The following FAP variants were observed in gnomAD, a reference collection of about 807,000 sequenced individuals.
The protein encoded by FAP is fibroblast activation protein alpha.
Under a neutral mutation model 126.5 loss-of-function variants are expected in FAP, and 110 were observed. That is an observed-to-expected ratio of 0.87 (90% CI 0.74 to 1.02). FAP has a LOEUF of 1.02. Ranked by LOEUF, FAP falls within the 50% of genes least tolerant of loss-of-function variation. FAP has a pLI of 0.00. For missense variants in FAP, 919 were observed against 909.2 expected (o/e 1.01, Z -0.14); for synonymous variants, 334 against 297.3 (o/e 1.12, Z -1.27).
Position 162,210,108 on chromosome 2 carries a change from A to G in FAP, c.1003-112T>C, listed in dbSNP as rs1339116110. On this transcript the variant is annotated intron_variant, in intron 11 of 25. Coordinates refer to ENST00000188790, the MANE Select transcript of FAP (RefSeq NM_004460.5). ...TGCCTGATCAGAGTATACCATTACT[A>G]GTCAACTAACTTCAAATTTGAGTTT... is the stretch of plus-strand genomic sequence containing the variant. 3 of 825,246 alleles carry G rather than the reference A, an allele frequency of 3.6e-6. No homozygotes were observed. The African/African-American group carries it at 5.2e-5, about 14-fold the overall frequency. 51.1% of individuals were successfully genotyped at this position (825,246 alleles called of 1,614,324 possible). A position where few individuals can be genotyped will look rare whatever the true frequency, so the allele number is the denominator to read the frequency against.
rs142594188 is a variant in FAP, at chr2:162,171,039, C to T, written c.2223G>A (p.Thr741=). Residue 741 remains threonine, a synonymous_variant, in exon 26 of 26, where the codon ACG becomes ACA. Coordinates refer to ENST00000188790, the MANE Select transcript of FAP (RefSeq NM_004460.5). ...DQNHGLSGLS[T]NHLYTHMTHF... The stretch of plus-strand genomic sequence containing the variant: ...GGGTCATGTGGGTGTATAAGTGGTT[C>T]GTGGACAGGCCGGATAAGCCGTGGT... The T allele has an allele frequency of 6.8e-6, 11 of 1,613,036 alleles. No individual in the cohort carries two copies. Among genetic ancestry groups the T allele is most frequent in the East Asian group, 2.2e-5 (1 of 44,866 alleles).
At chr2:162,204,626 G>A (rs761692865) in intron 12 of FAP, among the ~76,000 whole-genome samples, 1 of 152,306 alleles carries the variant, frequency 6.6e-6, no homozygotes, top group Non-Finnish European at 1.5e-5. Flanking sequence ...AGCTGGAAGA[G>A]ACAGGGAGGA....
chr2:162,243,146 G>T, intron 1 of FAP, 154 bp from the exon 2 acceptor site: 1 of 800,796 alleles, frequency 1.2e-6, no homozygotes, highest in Non-Finnish European at 2.0e-6. Context: ...AATTCTTCCA[G>T]CTCTGCAAGG....
At chr2:162,213,374 C>CAAAAAAA (rs113581622) in intron 11 of FAP, among the ~76,000 whole-genome samples, 22 of 89,632 alleles carry the variant, frequency 2.5e-4, no homozygotes, top group South Asian at 1.0e-3. Flanking sequence ...GACGCCATCT[C>CAAAAAAA]AAAAAAAAAA....
chr2:162,199,774 A>G (rs375880700), intron 15 of FAP, among the ~76,000 whole-genome samples: 2 of 152,248 alleles, frequency 1.3e-5, no homozygotes, highest in African/African-American at 2.4e-5. Context: ...TTTTTAACAC[A>G]TAAAGTAAGA....
rs201787841 is a variant in FAP, at chr2:162,199,322, G to T, written c.1278-441C>A. Among the ~76,000 whole-genome samples the T allele has an allele frequency of 2.0e-5, 3 of 152,130 alleles. No homozygotes were observed. In the East Asian group the frequency reaches 5.8e-4, roughly 29 times the overall value. On this transcript the variant is annotated intron_variant, in intron 15 of 25. Transcript: ENST00000188790. ...CCTGTTCTTACCATATATCAGGATGGGGAAATTAATAATAAGCAAATTGGA... is the reference window on the plus strand; with the variant it reads ...CCTGTTCTTACCATATATCAGGATGTGGAAATTAATAATAAGCAAATTGGA...
chr2:162,227,291 G>A (rs376186844), intron 2 of FAP, among the ~76,000 whole-genome samples: 1 of 151,930 alleles, frequency 6.6e-6, no homozygotes, highest in East Asian at 1.9e-4. Context: ...AAGAGTAGAG[G>A]GTTTTCTGTA....
In FAP at chr2:162,218,152, G is replaced by A; in HGVS notation, c.608-12C>T. On this transcript the variant is annotated splice_polypyrimidine_tract_variant and intron_variant, in intron 8 of 25. Transcript: ENST00000188790. The stretch of plus-strand genomic sequence containing the variant: ...AGCAAGCATTTCCTCTGAAAAATAA[G>A]TACTAGGATATTAACTATAATTACA... 1 of 1,557,516 alleles carries A rather than the reference G, an allele frequency of 6.4e-7. No individual in the cohort carries two copies. The highest frequency in any genetic ancestry group is 1.4e-5 in the African/African-American group (1 of 72,842).
chr2:162,188,999 A>G (rs1687948622), intron 19 of FAP, 104 bp downstream of exon 19: 1 of 585,554 alleles, frequency 1.7e-6, no homozygotes, highest in Admixed American at 2.8e-5. Flanking sequence ...CAGCATCAAT[A>G]GGCACTGTTA....
At chr2:162,234,954 C>T (rs1489202595) in intron 2 of FAP, among the ~76,000 whole-genome samples, 3 of 152,158 alleles carry the variant, frequency 2.0e-5, no homozygotes, top group Admixed American at 1.3e-4. Flanking sequence ...ACACTCCCAG[C>T]GGCCCGGGCA....
At chr2:162,209,727 T>C (rs1688850662) in intron 12 of FAP, 1 of 486,452 alleles carries the variant, frequency 2.1e-6, no homozygotes, top group East Asian at 3.2e-5. Flanking sequence ...AAACTTAAAA[T>C]TGGGACATGA....
rs763245917 is a variant in FAP, at chr2:162,188,329, C to T, written c.1654G>A (p.Val552Ile). 2 of 1,613,126 alleles carry T rather than the reference C, an allele frequency of 1.2e-6. No homozygotes were observed. Among genetic ancestry groups the T allele is most frequent in the South Asian group, 1.1e-5 (1 of 91,048 alleles). ...TAAGATATCCAATTAACAGCAAATA[C>T]AGACCTTACACTCTGACTGCAGGGA... ...GGPCSQSVRS[V>I]FAVNWISYLA... The change falls in exon 20 of 26, where the codon GTA (valine) becomes ATA (isoleucine). Residue 552 changes from valine to isoleucine, a missense_variant. Physicochemically the swap from Val to Ile is conservative, Grantham distance 29. Coordinates refer to ENST00000188790, the MANE Select transcript of FAP (RefSeq NM_004460.5).
At chr2:162,216,846 C>T (rs985016670) in intron 9 of FAP, among the ~76,000 whole-genome samples, 7 of 152,170 alleles carry the variant, frequency 4.6e-5, no homozygotes, top group Admixed American at 2.6e-4. Context: ...GATGGTCTCA[C>T]GTCTCCACCT....
chr2:162,187,775 T>C (rs1030217377), intron 20 of FAP, among the ~76,000 whole-genome samples: 6 of 152,070 alleles, frequency 3.9e-5, no homozygotes, highest in African/African-American at 1.2e-4. Context: ...GATAAAATCT[T>C]GAGCCATTTC....
intron 25 of FAP, 68 bp downstream of exon 25, chr2:162,172,729 GTTAAAAAAAATAAA>G (rs1299981991): frequency 1.1e-6 from 1 of 897,840 alleles, no homozygotes; most frequent in African/African-American, 1.7e-5. Context: ...TACTTTAAAA[GTTAAAAAAAATAAA>G]AATATGAACC....
Position 162,173,759 on chromosome 2 carries a change from A to T in FAP, c.1998T>A (p.Gly666=). ...CAAGATTATCATCCTTTGTTGGGAG[A>T]CCCATGAATCTCTCTGTGTAGACAG... is the stretch of plus-strand genomic sequence containing the variant. The part of the protein sequence containing the change: ...YASVYTERFM[G]LPTKDDNLEH... The change falls in exon 23 of 26, where the codon GGT becomes GGA. Residue 666 remains glycine (G), a synonymous_variant. Coordinates refer to ENST00000188790, the MANE Select transcript of FAP (RefSeq NM_004460.5). 1 of 1,605,664 alleles carries T rather than the reference A, an allele frequency of 6.2e-7. No homozygotes were observed. Among genetic ancestry groups the T allele is most frequent in the East Asian group, 2.2e-5 (1 of 44,792 alleles).
chr2:162,238,407 G>A (rs1358479855), intron 2 of FAP, among the ~76,000 whole-genome samples: 2 of 152,180 alleles, frequency 1.3e-5, no homozygotes, highest in African/African-American at 4.8e-5. Flanking sequence ...TCTCCATTGT[G>A]AGAATCATAC....
intron 20 of FAP, among the ~76,000 whole-genome samples, chr2:162,186,736 A>G (rs2106225042): frequency 6.6e-6 from 1 of 152,202 alleles, no homozygotes; most frequent in African/African-American, 2.4e-5. Context: ...CTTGATGTTT[A>G]TTGCATGGTT....
chr2:162,221,729 T>C (rs1559788031), intron 6 of FAP: 2 of 456,552 alleles, frequency 4.4e-6, no homozygotes, highest in East Asian at 6.9e-5. Flanking sequence ...TCTGAGTCAC[T>C]AAAGGTATGA....
Sources: allele counts gnomAD v4.1 joint callset (sites outside exome capture counted in the v4.1 genomes callset), GRCh38; gene constraint gnomAD v4.1.1; transcripts MANE v1.5; gene names NCBI Gene and HGNC (gene_info 2026-07-23, HGNC 2026-07-21).